The following APBA1 variants were observed in gnomAD, a reference collection of about 807,000 sequenced individuals.
The protein encoded by APBA1 is amyloid-beta A4 precursor protein-binding family A member 1.
APBA1 carries 55 observed loss-of-function variants against 86.6 expected under a neutral mutation model. The observed-to-expected ratio is 0.64, with a 90% CI of 0.51 to 0.80. The LOEUF is 0.80. Among genes scored for constraint, APBA1 ranks in the 30% least tolerant of loss-of-function variants. The pLI is 0.00. For missense variants in APBA1, 1,090 were observed against 1,183.0 expected, an observed-to-expected ratio of 0.92 and a Z score of 1.15; for synonymous variants, 511 against 493.9, an observed-to-expected ratio of 1.03 and a Z score of -0.46.
intron 2 of APBA1, among the ~76,000 whole-genome samples, chr9:69,496,935 G>T (rs1835807846): frequency 6.6e-6 from 1 of 150,626 alleles, no homozygotes; most frequent in Admixed American, 6.6e-5. Context: ...CACTGCTGCT[G>T]TGAAAAGCTG....
intron 2 of APBA1, among the ~76,000 whole-genome samples, chr9:69,496,491 A>G (rs960155247): frequency 6.6e-6 from 1 of 152,094 alleles, no homozygotes; most frequent in African/African-American, 2.4e-5. Context: ...TCTGCAGGCC[A>G]AAGTGGGAAA....
intron 1 of APBA1, among the ~76,000 whole-genome samples, chr9:69,529,824 CA>C: frequency 6.6e-6 from 1 of 152,018 alleles, no homozygotes; most frequent in Non-Finnish European, 1.5e-5. Flanking sequence ...CCAGAATCCA[CA>C]AGGAACTCAA....
chr9:69,432,516 C>T lies in APBA1; in HGVS notation c.2442+20G>A, dbSNP rs972150825. On this transcript the variant is annotated intron_variant, in intron 12 of 12. Transcript: ENST00000265381. ...CAGACGCGGCCCTCAGCACCACCCT[C>T]AGCCCCGGACCTCTCCTACCTCCCC... 1 of 1,502,374 alleles carries T rather than the reference C, an allele frequency of 6.7e-7. No individual in the cohort carries two copies. Among genetic ancestry groups the T allele is most frequent in the Non-Finnish European group, 8.9e-7 (1 of 1,120,710 alleles). 93.1% of individuals were successfully genotyped at this position (1,502,374 alleles called of 1,614,324 possible).
chr9:69,648,471 A>C (rs966621652), intron 1 of APBA1, among the ~76,000 whole-genome samples: 20 of 152,332 alleles, frequency 1.3e-4, no homozygotes, highest in Admixed American at 1.2e-3. Context: ...TTAAAGACAA[A>C]AATTGATAAA....
At position 69,517,109 on chromosome 9, in the gene APBA1, C is replaced by T. The variant is rs752939828; in HGVS notation, c.102G>A (p.Val34=). ...GCGGCGGCTGCTGCTGTTCCTCTTC[C>T]ACCTCGGGGTGCTCCAGGTCGGCCT... ...SVEADLEHPE[V]EEEQQQPPQQ... The change falls in exon 2 of 13, where the codon GTG becomes GTA. Residue 34 remains valine (V), a synonymous_variant. Coordinates refer to ENST00000265381, the MANE Select transcript of APBA1 (RefSeq NM_001163.4). 1 of 1,576,406 alleles carries T rather than the reference C, an allele frequency of 6.3e-7. No homozygotes were observed. Among genetic ancestry groups the T allele is most frequent in the Non-Finnish European group, 8.6e-7 (1 of 1,164,638 alleles).
intron 1 of APBA1, among the ~76,000 whole-genome samples, chr9:69,655,078 CGTAT>C (rs1823582171): frequency 6.6e-6 from 1 of 152,050 alleles, no homozygotes; most frequent in Non-Finnish European, 1.5e-5. Context: ...ACAAAGGCCA[CGTAT>C]GACAAACCCA....
At chr9:69,593,725 T>C (rs922201319) in intron 1 of APBA1, among the ~76,000 whole-genome samples, 30 of 152,224 alleles carry the variant, frequency 2.0e-4, no homozygotes, top group African/African-American at 7.2e-4. Context: ...CACATTCCCA[T>C]TGATGCCAAT....
intron 1 of APBA1, among the ~76,000 whole-genome samples, chr9:69,530,335 C>T (rs796136009): frequency 0.04 from 5,175 of 129,654 alleles, 109 homozygotes; most frequent in African/African-American, 0.066. Flanking sequence ...TATATACACA[C>T]ACACACACAC....
chr9:69,574,608 T>G (rs1285733545), intron 1 of APBA1, among the ~76,000 whole-genome samples: 1 of 152,180 alleles, frequency 6.6e-6, no homozygotes, highest in African/African-American at 2.4e-5. Flanking sequence ...TCCTCCTAAT[T>G]TTTTGTAGTT....
intron 1 of APBA1, among the ~76,000 whole-genome samples, chr9:69,639,517 G>A (rs1400665384): frequency 1.3e-5 from 2 of 152,144 alleles, no homozygotes; most frequent in African/African-American, 4.8e-5. Context: ...AGCACAAGGA[G>A]TATGTCAAAA....
intron 1 of APBA1, among the ~76,000 whole-genome samples, chr9:69,535,156 A>G (rs1836489470): frequency 6.6e-6 from 1 of 152,196 alleles, no homozygotes; most frequent in South Asian, 2.1e-4. Context: ...GAAACTCAAT[A>G]AAGAACCATT....
At position 69,452,262 on chromosome 9, in the gene APBA1, C is replaced by T. The variant is rs759823383; in HGVS notation, c.1828G>A (p.Val610Met). 23 of 1,614,088 alleles carry T rather than the reference C, an allele frequency of 1.4e-5. No individual in the cohort carries two copies. The highest frequency in any genetic ancestry group is 3.3e-5 in the Admixed American group (2 of 60,014). ...IAQSIGQAFS[V>M]AYQEFLRANG... ...GCCCTGAGGAATTCCTGGTATGCCA[C>T]GCTAAATGCCTGTCCGATGGACTGT... The change falls in exon 9 of 13, where the codon GTG (valine) becomes ATG (methionine). Residue 610 changes from valine (V) to methionine (M), a missense_variant. Val to Met is a conservative substitution (Grantham distance 21). Coordinates refer to ENST00000265381, the MANE Select transcript of APBA1 (RefSeq NM_001163.4).
In APBA1 at chr9:69,516,105, T is replaced by C. The variant is rs1836137839; in HGVS notation, c.1106A>G (p.Tyr369Cys). 1.2e-6 allele frequency: 2 copies of C among 1,613,508 alleles called. No individual in the cohort carries two copies. The highest frequency in any genetic ancestry group is 1.1e-5 in the South Asian group (1 of 91,062). Residue 369 changes from tyrosine (Y) to cysteine (C), a missense_variant, in exon 2 of 13, where the codon TAC (tyrosine) becomes TGC (cysteine). This residue lies in a region of APBA1 where 678 missense variants were observed against 647.1 expected (regional missense o/e 1.05). Coordinates refer to ENST00000265381, the MANE Select transcript of APBA1 (RefSeq NM_001163.4). This position sits in a 1 kb window ranked among gnomAD's most constrained non-coding sequence, Gnocchi z 7.3. Reference protein sequence around the residue: ...EVKTRTIRSPYTPDEPKEPIW... With the variant: ...EVKTRTIRSPCTPDEPKEPIW... Reference sequence around the variant, plus strand: ...GGGCTCTTTGGGCTCGTCGGGGGTGTAAGGCGAACGGATGGTCCTGGTTTT... The same window carrying C: ...GGGCTCTTTGGGCTCGTCGGGGGTGCAAGGCGAACGGATGGTCCTGGTTTT...
intron 1 of APBA1, among the ~76,000 whole-genome samples, chr9:69,656,970 C>T (rs1398545384): frequency 6.6e-6 from 1 of 151,982 alleles, no homozygotes; most frequent in Non-Finnish European, 1.5e-5. Context: ...CTCAGCCTCC[C>T]GAGTAGCTGG....
intron 2 of APBA1, among the ~76,000 whole-genome samples, chr9:69,496,741 T>A (rs999515356): frequency 6.6e-6 from 1 of 151,940 alleles, no homozygotes; most frequent in Admixed American, 6.5e-5. Flanking sequence ...TTCCGTCTAT[T>A]AATTATTTAA....
At chr9:69,490,243 A>G (rs1835684764) in intron 2 of APBA1, among the ~76,000 whole-genome samples, 1 of 151,890 alleles carries the variant, frequency 6.6e-6, no homozygotes, top group Non-Finnish European at 1.5e-5. Context: ...CAAACACCGC[A>G]TATTCTCACT....
At position 69,458,140 on chromosome 9, in the gene APBA1, GT is replaced by G. The variant is rs1431021290; in HGVS notation, c.1515+15del. Reference sequence around the variant, plus strand: ...ACAGGCATAACACCAAGCTGATGAAGTTGTTTGTACTGCACCTTCTTCCTGC... The same window carrying G: ...ACAGGCATAACACCAAGCTGATGAAGTGTTTGTACTGCACCTTCTTCCTGC... On this transcript the variant is annotated intron_variant, in intron 6 of 12. Coordinates refer to ENST00000265381, the MANE Select transcript of APBA1 (RefSeq NM_001163.4). 2 of 1,603,822 alleles carry G rather than the reference GT, an allele frequency of 1.2e-6. No individual in the cohort carries two copies. Among genetic ancestry groups the G allele is most frequent in the Admixed American group, 3.5e-5 (2 of 56,922 alleles).
At chr9:69,569,753 G>A (rs1026480936) in intron 1 of APBA1, among the ~76,000 whole-genome samples, 1 of 152,044 alleles carries the variant, frequency 6.6e-6, no homozygotes, top group Non-Finnish European at 1.5e-5. Flanking sequence ...TGAATGCCAG[G>A]CTTAAAATGG....
chr9:69,446,818 G>A (rs1834917222), intron 10 of APBA1, among the ~76,000 whole-genome samples: 1 of 152,192 alleles, frequency 6.6e-6, no homozygotes, highest in South Asian at 2.1e-4. Context: ...AGGAAAGGAG[G>A]TGACTCCAGG....
Sources: gnomAD v4.1 joint callset for allele counts (sites outside exome capture counted in the v4.1 genomes callset) on GRCh38, gnomAD v4.1.1 for gene constraint, gnomAD v4.1.1 regional missense constraint, Gnocchi (gnomAD v3.1) non-coding constraint, MANE v1.5 for transcripts, NCBI Gene and HGNC (gene_info 2026-07-23, HGNC 2026-07-21) for gene names.